SRRM4: variants seen among roughly 807,000 people sequenced by gnomAD.
The protein encoded by SRRM4 is serine/arginine repetitive matrix 4.
SRRM4 carries 33 observed loss-of-function variants against 68.9 expected under a neutral mutation model. The ratio of observed to expected loss-of-function variants is 0.48; its 90% CI spans 0.36 to 0.64. The LOEUF (loss-of-function observed/expected upper bound fraction) is 0.64, where lower values mean the gene tolerates loss of function less well. Ranked by LOEUF, SRRM4 falls within the 30% of genes least tolerant of loss-of-function variation. The pLI is 0.00. For missense variants in SRRM4, 817 were observed against 827.1 expected, an observed-to-expected ratio of 0.99 and a Z score of 0.15; for synonymous variants, 318 against 318.8, an observed-to-expected ratio of 1.00 and a Z score of 0.03.
chr12:119,134,138 GC>G (rs1003707670), intron 8 of SRRM4, among the ~76,000 whole-genome samples: 1 of 152,122 alleles, frequency 6.6e-6, no homozygotes, highest in African/African-American at 2.4e-5. Flanking sequence ...CACATGCACA[GC>G]TTTTTTAAAA....
chr12:119,122,252 C>G, intron 6 of SRRM4, 132 bp downstream of exon 6: 1 of 148,754 alleles, frequency 6.7e-6, no homozygotes, highest in Non-Finnish European at 1.3e-5. Flanking sequence ...GAAAGGAAGG[C>G]AGGAAGGCAG....
At chr12:119,059,923 G>A (rs1442194623) in intron 1 of SRRM4, among the ~76,000 whole-genome samples, 2 of 152,158 alleles carry the variant, frequency 1.3e-5, no homozygotes, top group African/African-American at 4.8e-5. Context: ...CATGTTGGAG[G>A]TCAGTAGAAG....
rs138196358 is a variant in SRRM4, at chr12:119,079,978, A to T, written c.132-22258A>T. Reference sequence around the variant, plus strand: ...CTTTTTCTTTATTTAAATTTAATTGATTTTCTCCTTGATTTAATCAACCCG... The same window carrying T: ...CTTTTTCTTTATTTAAATTTAATTGTTTTTCTCCTTGATTTAATCAACCCG... On this transcript the variant is annotated intron_variant, in intron 1 of 12. Coordinates refer to ENST00000267260, the MANE Select transcript of SRRM4 (RefSeq NM_194286.4). Among the ~76,000 whole-genome samples the T allele has an allele frequency of 3.6e-3, 550 of 151,194 alleles. 5 individuals are homozygous for T. Among genetic ancestry groups the T allele is most frequent in the African/African-American group, 0.012 (490 of 41,142 alleles).
At chr12:119,130,180 G>A (rs1301749062) in intron 7 of SRRM4, among the ~76,000 whole-genome samples, 1 of 150,460 alleles carries the variant, frequency 6.6e-6, no homozygotes, top group Non-Finnish European at 1.5e-5. Flanking sequence ...TGGTTGGATG[G>A]GTGGATGATG....
chr12:119,042,264 G>T (rs1394316077), intron 1 of SRRM4, among the ~76,000 whole-genome samples: 1 of 151,814 alleles, frequency 6.6e-6, no homozygotes, highest in Non-Finnish European at 1.5e-5. Flanking sequence ...GGGCTAAAGA[G>T]AGCTGCAAGC....
In SRRM4 at chr12:119,116,965, A is replaced by G. The variant is rs1954184245; in HGVS notation, c.394A>G (p.Lys132Glu). 6.2e-7 allele frequency: 1 copy of G among 1,613,868 alleles called. No individual in the cohort carries two copies. The highest frequency in any genetic ancestry group is 8.5e-7 in the Non-Finnish European group (1 of 1,179,838). The change falls in exon 4 of 13, where the codon AAG becomes GAG. Residue 132 changes from lysine (K) to glutamate (E), a missense_variant. Coordinates refer to ENST00000267260, the MANE Select transcript of SRRM4 (RefSeq NM_194286.4). ...CTCATCCTATAGCCCATCGCCTGTCAAGAAAAAGAAGAAGAAAAGTTCCAA... is the reference window on the plus strand; with the variant it reads ...CTCATCCTATAGCCCATCGCCTGTCGAGAAAAAGAAGAAGAAAAGTTCCAA... ...RSSSYSPSPV[K>E]KKKKKSSKKH...
At chr12:119,003,162 A>T (rs979544239) in intron 1 of SRRM4, among the ~76,000 whole-genome samples, 30 of 151,826 alleles carry the variant, frequency 2.0e-4, no homozygotes, top group Non-Finnish European at 3.8e-4. Context: ...CCCAGCAAGG[A>T]AGGGCATATG....
intron 9 of SRRM4, among the ~76,000 whole-genome samples, chr12:119,146,659 A>G (rs112224213): frequency 0.016 from 2,480 of 151,828 alleles, 71 homozygotes; most frequent in African/African-American, 0.057. Context: ...ATCACAGGCC[A>G]GGTGCGGTGG....
At chr12:119,001,476 T>G (rs1468271053) in intron 1 of SRRM4, among the ~76,000 whole-genome samples, 1 of 152,188 alleles carries the variant, frequency 6.6e-6, no homozygotes, top group African/African-American at 2.4e-5. Context: ...AGGTGAGCAT[T>G]TCAGGCTTCT....
intron 2 of SRRM4, among the ~76,000 whole-genome samples, chr12:119,106,223 A>C (rs1411719938): frequency 1.3e-5 from 2 of 152,214 alleles, no homozygotes; most frequent in Admixed American, 1.3e-4. Flanking sequence ...CTTGTAGTAT[A>C]GTTTGAAGTC....
intron 1 of SRRM4, among the ~76,000 whole-genome samples, chr12:119,045,317 G>A (rs1161912220): frequency 1.1e-4 from 12 of 113,268 alleles, no homozygotes. Context: ...CTCACAGCCA[G>A]CAACACATGT....
At chr12:119,048,269 A>G (rs923897635) in intron 1 of SRRM4, among the ~76,000 whole-genome samples, 12 of 152,170 alleles carry the variant, frequency 7.9e-5, no homozygotes, top group African/African-American at 2.7e-4. Context: ...GGGTCTCCCT[A>G]ACCCAGTTCC....
chr12:119,096,456 C>T (rs935490716), intron 1 of SRRM4, among the ~76,000 whole-genome samples: 3 of 152,154 alleles, frequency 2.0e-5, no homozygotes, highest in Admixed American at 1.3e-4. Flanking sequence ...TCTTTGAAAA[C>T]TTCAATGAGA....
At chr12:119,065,723 G>A (rs1953841619) in intron 1 of SRRM4, among the ~76,000 whole-genome samples, 2 of 152,200 alleles carry the variant, frequency 1.3e-5, no homozygotes, top group South Asian at 4.1e-4. Context: ...CTGCACTCCA[G>A]CTTGGGCAAC....
rs1329227815 is a variant in SRRM4, at chr12:119,154,505, A to G, written c.1532+122A>G. On this transcript the variant is annotated intron_variant, in intron 12 of 12. Transcript: ENST00000267260. The surrounding 1 kb of genome is among the most constrained non-coding windows in gnomAD (Gnocchi z 4.7). ...CTGGGATTTAGGATTGTGCGAGCTT[A>G]TGGTCCCCCCAACCCCAACATCATT... 10 of 1,123,722 alleles carry G rather than the reference A, an allele frequency of 8.9e-6. No individual in the cohort carries two copies. Among genetic ancestry groups the G allele is most frequent in the Non-Finnish European group, 1.1e-5 (9 of 789,796 alleles). The allele number at this position is 1,123,722 out of a possible 1,614,324, so 69.6% of individuals were successfully genotyped here. A position where few individuals can be genotyped will look rare whatever the true frequency, so the allele number is the denominator to read the frequency against.
intron 1 of SRRM4, among the ~76,000 whole-genome samples, chr12:119,009,272 G>C (rs1953434567): frequency 6.6e-6 from 1 of 152,126 alleles, no homozygotes; most frequent in African/African-American, 2.4e-5. Context: ...CGGGAAGAGG[G>C]AGGAGAGTAG....
intron 1 of SRRM4, among the ~76,000 whole-genome samples, chr12:119,076,348 G>A (rs1311354400): frequency 2.6e-5 from 4 of 152,082 alleles, no homozygotes; most frequent in African/African-American, 9.7e-5. Context: ...ATGGCTTTGA[G>A]AGGGTTATTT....
At chr12:119,089,215 C>T (rs941293828) in intron 1 of SRRM4, among the ~76,000 whole-genome samples, 1 of 152,048 alleles carries the variant, frequency 6.6e-6, no homozygotes, top group Non-Finnish European at 1.5e-5. Context: ...CTGTTTTTGC[C>T]GAAACCCACC....
At chr12:119,137,125 C>T (rs1268066146) in intron 8 of SRRM4, among the ~76,000 whole-genome samples, 1 of 151,018 alleles carries the variant, frequency 6.6e-6, no homozygotes, top group South Asian at 2.1e-4. Context: ...AAGGAATAAC[C>T]AGAACCCTCT....
Sources: gnomAD v4.1 joint callset for allele counts (sites outside exome capture counted in the v4.1 genomes callset) on GRCh38, gnomAD v4.1.1 for gene constraint, Gnocchi (gnomAD v3.1) non-coding constraint, MANE v1.5 for transcripts, NCBI Gene and HGNC (gene_info 2026-07-23, HGNC 2026-07-21) for gene names.